The following KIAA1671 variants were observed in gnomAD, a reference collection of about 807,000 sequenced individuals.
The protein encoded by KIAA1671 is KIAA1671.
Under a neutral mutation model 131.2 loss-of-function variants are expected in KIAA1671, and 52 were observed. The observed-to-expected ratio is 0.40, with a 90% CI of 0.32 to 0.50. The LOEUF (loss-of-function observed/expected upper bound fraction) is 0.50. Ranked by LOEUF, KIAA1671 falls within the 20% of genes least tolerant of loss-of-function variation. KIAA1671 has a pLI of 0.73. For synonymous variants in KIAA1671, 1,003 were observed against 961.6 expected (o/e 1.04, Z -0.80); for missense variants, 2,360 against 2,364.2 (o/e 1.00, Z 0.04).
At position 25,029,257 on chromosome 22, in the gene KIAA1671, G is replaced by A; in HGVS notation, c.1258G>A (p.Val420Met). The A allele has an allele frequency of 6.7e-7, 1 of 1,497,004 alleles. No homozygotes were observed. Among genetic ancestry groups the A allele is most frequent in the Non-Finnish European group, 8.9e-7 (1 of 1,117,618 alleles). The allele number at this position is 1,497,004 out of a possible 1,614,324, so 92.7% of individuals were successfully genotyped here. The change falls in exon 3 of 13, where the codon GTG becomes ATG. Residue 420 changes from valine to methionine, a missense_variant. Physicochemically the swap from Val to Met is conservative, Grantham distance 21. This residue lies in a region of KIAA1671 where 1,185 missense variants were observed against 1,126.2 expected (regional missense o/e 1.05). Transcript: ENST00000358431. The stretch of plus-strand genomic sequence containing the variant: ...AGAACTTGCTGAGGTTAAGAGCAGA[G>A]TGGCGGATGGGGAGGCCGCGGCAGG... The part of the protein sequence containing the change: ...GLELAEVKSR[V>M]ADGEAAAGGE...
At chr22:25,074,434 G>T (rs1006524536) in intron 6 of KIAA1671, among the ~76,000 whole-genome samples, 4 of 143,166 alleles carry the variant, frequency 2.8e-5, no homozygotes, top group African/African-American at 1.1e-4. Context: ...GAACTTGGGA[G>T]CCGGAGGTTG....
chr22:25,038,909 C>A lies in KIAA1671; in HGVS notation c.1779C>A (p.Ala593=). 1 of 1,551,664 alleles carries A rather than the reference C, an allele frequency of 6.4e-7. No individual in the cohort carries two copies. Among genetic ancestry groups the A allele is most frequent in the Non-Finnish European group, 8.7e-7 (1 of 1,147,008 alleles). ...GTCGCGGTGGAAGCTCAGTGGAGGC[C>A]CCGTGCCCTTCTGACGTCACTCCAG... ...DSCRGGSSVE[A]PCPSDVTPED... Residue 593 remains alanine, a synonymous_variant, in exon 5 of 13, where the codon GCC becomes GCA. Coordinates refer to ENST00000358431, the MANE Select transcript of KIAA1671 (RefSeq NM_001145206.2).
At chr22:25,188,968 A>G (rs955651293) in intron 11 of KIAA1671, among the ~76,000 whole-genome samples, 3 of 152,122 alleles carry the variant, frequency 2.0e-5, no homozygotes, top group Non-Finnish European at 2.9e-5. Flanking sequence ...ATGTAGACAC[A>G]CGTATGTATG....
chr22:24,953,392 G>A (rs1445564972), intron 1 of KIAA1671, among the ~76,000 whole-genome samples: 4 of 152,060 alleles, frequency 2.6e-5, no homozygotes, highest in Admixed American at 6.5e-5. Flanking sequence ...GTCGAGGGGA[G>A]CCCGGAGGAC....
intron 9 of KIAA1671, 133 bp from the exon 10 acceptor site, chr22:25,181,566 A>G: frequency 1.9e-6 from 2 of 1,070,776 alleles, no homozygotes; most frequent in Non-Finnish European, 2.7e-6. Context: ...CTCATCTGTA[A>G]AATGGGCCAT....
At chr22:25,015,579 GC>G (rs1298784045) in intron 1 of KIAA1671, among the ~76,000 whole-genome samples, 2 of 152,172 alleles carry the variant, frequency 1.3e-5, no homozygotes, top group African/African-American at 4.8e-5. Flanking sequence ...CTGGGGTGAG[GC>G]AGTTTGGATT....
At chr22:25,089,767 C>A (rs1445276258) in intron 6 of KIAA1671, among the ~76,000 whole-genome samples, 1 of 152,214 alleles carries the variant, frequency 6.6e-6, no homozygotes, top group Non-Finnish European at 1.5e-5. Context: ...ACATGTCGGT[C>A]ATTTCCAGTT....
chr22:25,115,973 A>G (rs769418364), intron 6 of KIAA1671, among the ~76,000 whole-genome samples: 13 of 152,114 alleles, frequency 8.5e-5, no homozygotes, highest in Admixed American at 1.3e-4. Context: ...ACAGGGTTTC[A>G]CCATGATGAC....
intron 1 of KIAA1671, among the ~76,000 whole-genome samples, chr22:24,982,669 C>T (rs1346468769): frequency 1.3e-5 from 2 of 152,186 alleles, no homozygotes; most frequent in African/African-American, 4.8e-5. Context: ...ACAGCAGCCC[C>T]AGAACCTCAG....
At chr22:25,016,945 G>A (rs1925359952) in intron 1 of KIAA1671, among the ~76,000 whole-genome samples, 1 of 152,208 alleles carries the variant, frequency 6.6e-6, no homozygotes, top group African/African-American at 2.4e-5. Context: ...CCTATAGGCG[G>A]TGTGCCCAGA....
At chr22:25,159,904 A>G (rs1362111458) in intron 6 of KIAA1671, among the ~76,000 whole-genome samples, 1 of 152,234 alleles carries the variant, frequency 6.6e-6, no homozygotes, top group Admixed American at 6.5e-5. Flanking sequence ...TATCTGTGGA[A>G]TGTTTATAAA....
At chr22:25,008,520 T>C (rs1002148085) in intron 1 of KIAA1671, among the ~76,000 whole-genome samples, 19 of 152,188 alleles carry the variant, frequency 1.2e-4, no homozygotes, top group African/African-American at 4.1e-4. Context: ...ACAGCCACTA[T>C]TGATGCTTCG....
intron 6 of KIAA1671, among the ~76,000 whole-genome samples, chr22:25,139,878 GGAGTGTGCTGTTCTTGGCTTACTTTA>G (rs1205717027): frequency 1.3e-5 from 2 of 152,182 alleles, no homozygotes; most frequent in Non-Finnish European, 2.9e-5. Flanking sequence ...GCCTAAGGAC[GGAGTGTGCTGTTCTTGGCTTACTTTA>G]GAAAGCACAT....
chr22:25,148,641 A>G (rs539428770), intron 6 of KIAA1671, among the ~76,000 whole-genome samples: 9 of 152,072 alleles, frequency 5.9e-5, no homozygotes, highest in South Asian at 2.1e-4. Context: ...ACTTTATCCA[A>G]CTGGCACCAC....
chr22:25,142,915 G>A (rs1932826826), intron 6 of KIAA1671, among the ~76,000 whole-genome samples: 2 of 152,138 alleles, frequency 1.3e-5, no homozygotes, highest in Non-Finnish European at 2.9e-5. Flanking sequence ...AGGTGCTCCT[G>A]TGCCTTACCT....
intron 1 of KIAA1671, among the ~76,000 whole-genome samples, chr22:24,996,611 A>T (rs1173845144): frequency 6.6e-6 from 1 of 151,784 alleles, no homozygotes; most frequent in African/African-American, 2.4e-5. Flanking sequence ...AGACAGGATA[A>T]TAGGGCAGGG....
intron 6 of KIAA1671, among the ~76,000 whole-genome samples, chr22:25,066,646 G>A (rs577772049): frequency 1.3e-5 from 2 of 152,096 alleles, no homozygotes; most frequent in Non-Finnish European, 2.9e-5. Context: ...CCTTAACCTC[G>A]ACATCTGCAA....
intron 6 of KIAA1671, among the ~76,000 whole-genome samples, chr22:25,068,468 A>G (rs1204846274): frequency 1.3e-5 from 2 of 149,734 alleles, no homozygotes; most frequent in South Asian, 2.1e-4. Flanking sequence ...ACAGAGCCTC[A>G]CTCTGTCACC....
intron 6 of KIAA1671, among the ~76,000 whole-genome samples, chr22:25,075,921 G>A (rs1453502510): frequency 2.0e-5 from 3 of 151,660 alleles, no homozygotes; most frequent in Non-Finnish European, 2.9e-5. Context: ...GATTACAGGC[G>A]CCTGCCACCA....
Sources: gnomAD v4.1 joint callset for allele counts (sites outside exome capture counted in the v4.1 genomes callset) on GRCh38, gnomAD v4.1.1 for gene constraint, gnomAD v4.1.1 regional missense constraint, MANE v1.5 for transcripts, NCBI Gene and HGNC (gene_info 2026-07-23, HGNC 2026-07-21) for gene names.